The following SHCBP1 variants were observed in gnomAD, a reference collection of about 807,000 sequenced individuals.
SHCBP1 encodes SHC binding and spindle associated 1.
A neutral mutation model predicts 75.1 loss-of-function variants in SHCBP1; 60 were observed. The ratio of observed to expected loss-of-function variants is 0.80; its 90% CI spans 0.65 to 0.99. The LOEUF is 0.99. Ranked by LOEUF, SHCBP1 falls within the 50% of genes least tolerant of loss-of-function variation. The pLI is 0.00. For synonymous variants in SHCBP1, 290 were observed against 293.2 expected (o/e 0.99, Z 0.11); for missense variants, 709 against 809.4 (o/e 0.88, Z 1.50).
chr16:46,601,427 G>A (rs1211271553), intron 8 of SHCBP1, among the ~76,000 whole-genome samples: 1 of 152,120 alleles, frequency 6.6e-6, no homozygotes, highest in East Asian at 1.9e-4. Flanking sequence ...TAAAGAATTC[G>A]CTTGACTTCC....
rs1414013321 is a variant in SHCBP1 at position 46,581,580 on chromosome 16, C to T, written c.*149G>A. Reference sequence around the variant, plus strand: ...AAGAGGGAGTGTTTTATGTGCAACACCTGCAAATGGAAATAAATCTACCTT... The same window carrying T: ...AAGAGGGAGTGTTTTATGTGCAACATCTGCAAATGGAAATAAATCTACCTT... On this transcript the variant is annotated 3_prime_UTR_variant, in exon 13 of 13. Transcript: ENST00000303383. The T allele has an allele frequency of 2.9e-6, 2 of 691,280 alleles. No homozygotes were observed. The highest frequency in any genetic ancestry group is 4.8e-6 in the Non-Finnish European group (2 of 416,666). The allele number at this position is 691,280 out of a possible 1,614,324, so 42.8% of individuals were successfully genotyped here.
chr16:46,599,257 A>G (rs1965190898), intron 9 of SHCBP1, among the ~76,000 whole-genome samples: 1 of 152,158 alleles, frequency 6.6e-6, no homozygotes, highest in Non-Finnish European at 1.5e-5. Context: ...CTTCCTCACT[A>G]TGTTAAACAT....
At chr16:46,596,113 A>G (rs1179242549) in intron 9 of SHCBP1, among the ~76,000 whole-genome samples, 1 of 152,196 alleles carries the variant, frequency 6.6e-6, no homozygotes, top group Non-Finnish European at 1.5e-5. Context: ...AAATCACCAC[A>G]CAGAAAAGAA....
intron 9 of SHCBP1, among the ~76,000 whole-genome samples, chr16:46,599,151 C>T (rs1166911942): frequency 6.6e-6 from 1 of 152,200 alleles, no homozygotes; most frequent in African/African-American, 2.4e-5. Flanking sequence ...TAGAGTAGTG[C>T]TTTTAATTTC....
rs1241833968 is a variant in SHCBP1, at chr16:46,616,182, A to T, written c.388-28T>A. On this transcript the variant is annotated intron_variant, in intron 3 of 12. Transcript: ENST00000303383. This position sits in a 1 kb window ranked among gnomAD's most constrained non-coding sequence, Gnocchi z 4.4. ...GAAATTTAAAATAATGTGACTTAAC[A>T]CATGGAAATCAAAATGAAGATACAC... 1 of 1,601,028 alleles carries T rather than the reference A, an allele frequency of 6.2e-7. No homozygotes were observed. The highest frequency in any genetic ancestry group is 8.5e-7 in the Non-Finnish European group (1 of 1,171,544).
chr16:46,604,061 A>G lies in SHCBP1; in HGVS notation c.1006T>C (p.Ser336Pro). Residue 336 changes from serine to proline, a missense_variant, in exon 7 of 13, where the codon TCC becomes CCC. Ser to Pro is a moderately conservative substitution (Grantham distance 74, BLOSUM62 -1). Coordinates refer to ENST00000303383, the MANE Select transcript of SHCBP1 (RefSeq NM_024745.5). ...AGGAGACCAGCCATCATGGTGGAGG[A>G]GACCACATGAGTGATCTTCTGACCG... ...SSGQKITHVV[S>P]STMMAGLLRS... 1 of 1,614,218 alleles carries G rather than the reference A, an allele frequency of 6.2e-7. No individual in the cohort carries two copies. The highest frequency in any genetic ancestry group is 2.2e-5 in the East Asian group (1 of 44,882).
chr16:46,595,624 A>G lies in SHCBP1; in HGVS notation c.1392T>C (p.Cys464=). The change falls in exon 10 of 13, where the codon TGT becomes TGC. Residue 464 remains cysteine (C), a synonymous_variant. Transcript: ENST00000303383. ...KTTLENCVLQ[C]ETTGVTVRTS... ...TCCGCACTGTGACTCCGGTCGTCTC[A>G]CACTGCAGCACACAGTTTTCCAGCG... 1 of 1,614,168 alleles carries G rather than the reference A, an allele frequency of 6.2e-7. No homozygotes were observed. Among genetic ancestry groups the G allele is most frequent in the Non-Finnish European group, 8.5e-7 (1 of 1,180,022 alleles).
At chr16:46,591,060 C>T (rs1323394495) in intron 10 of SHCBP1, among the ~76,000 whole-genome samples, 3 of 152,116 alleles carry the variant, frequency 2.0e-5, no homozygotes, top group Non-Finnish European at 4.4e-5. Flanking sequence ...AGCAAACTAT[C>T]GCAAGGACAG....
rs561646335 is a variant in SHCBP1, at chr16:46,618,709, A to G, written c.104-337T>C. Among the ~76,000 whole-genome samples, 7 of 152,218 alleles carry G rather than the reference A, an allele frequency of 4.6e-5. No individual in the cohort carries two copies. In the South Asian group the frequency reaches 1.5e-3, roughly 32 times the overall value. On this transcript the variant is annotated intron_variant, in intron 1 of 12. Transcript: ENST00000303383. ...TAGGCTGGAGTGCAGTGGTGCGATCATAGCTCACCGCAACCTCAAACTCCT... is the reference window on the plus strand; with the variant it reads ...TAGGCTGGAGTGCAGTGGTGCGATCGTAGCTCACCGCAACCTCAAACTCCT...
chr16:46,595,484 C>T (rs1231371231), intron 10 of SHCBP1, 68 bp downstream of exon 10: 4 of 1,227,378 alleles, frequency 3.3e-6, no homozygotes, highest in Admixed American at 1.7e-5. Flanking sequence ...ACATCTTGGT[C>T]CCATATTTCA....
At chr16:46,605,448 T>C (rs1412740954) in intron 5 of SHCBP1, among the ~76,000 whole-genome samples, 2 of 152,122 alleles carry the variant, frequency 1.3e-5, no homozygotes, top group African/African-American at 4.8e-5. Flanking sequence ...ATGAGCCTGG[T>C]GTGATGGCAT....
intron 4 of SHCBP1, among the ~76,000 whole-genome samples, chr16:46,612,137 G>A (rs1329864940): frequency 6.6e-6 from 1 of 152,140 alleles, no homozygotes; most frequent in Non-Finnish European, 1.5e-5. Flanking sequence ...GCTGAACAGT[G>A]GTGTCCCAGA....
At chr16:46,618,719 G>GC (rs1318332499) in intron 1 of SHCBP1, among the ~76,000 whole-genome samples, 1 of 152,090 alleles carries the variant, frequency 6.6e-6, no homozygotes, top group African/African-American at 2.4e-5. Context: ...ATAGCTCACC[G>GC]CAACCTCAAA....
chr16:46,603,858 C>G, intron 7 of SHCBP1, 117 bp downstream of exon 7: 1 of 1,375,954 alleles, frequency 7.3e-7, no homozygotes, highest in South Asian at 1.4e-5. Flanking sequence ...CTCACTACTT[C>G]CCATGCACAG....
intron 10 of SHCBP1, among the ~76,000 whole-genome samples, chr16:46,588,366 T>C (rs1289239289): frequency 1.3e-5 from 2 of 151,734 alleles, no homozygotes; most frequent in Non-Finnish European, 2.9e-5. Flanking sequence ...CTTCAAAAAA[T>C]CAATGAATCC....
intron 10 of SHCBP1, among the ~76,000 whole-genome samples, chr16:46,588,169 A>G (rs922903537): frequency 5.9e-5 from 9 of 152,222 alleles, no homozygotes; most frequent in African/African-American, 2.2e-4. Flanking sequence ...CATTTAAAGC[A>G]GTGTGTAGAA....
At chr16:46,614,721 T>C (rs1965469101) in intron 4 of SHCBP1, among the ~76,000 whole-genome samples, 1 of 151,606 alleles carries the variant, frequency 6.6e-6, no homozygotes, top group South Asian at 2.1e-4. Flanking sequence ...ACACACACCA[T>C]AGTATATAAC....
At chr16:46,588,684 C>T (rs1040894421) in intron 10 of SHCBP1, among the ~76,000 whole-genome samples, 2 of 152,144 alleles carry the variant, frequency 1.3e-5, no homozygotes, top group African/African-American at 4.8e-5. Flanking sequence ...TATTTAATAG[C>T]CTACCAATCA....
Position 46,603,972 on chromosome 16 carries a change from T to C in SHCBP1, c.1092+3A>G. On this transcript the variant is annotated splice_donor_region_variant and intron_variant, in intron 7 of 12. Transcript: ENST00000303383. ...CACCTGGAGTGAGAAACTCTCCGTT[T>C]ACCTGAATTTCTCTTTCTTCCTCAC... 1 of 1,603,110 alleles carries C rather than the reference T, an allele frequency of 6.2e-7. No homozygotes were observed. The highest frequency in any genetic ancestry group is 8.5e-7 in the Non-Finnish European group (1 of 1,177,240).
Sources: allele counts gnomAD v4.1 joint callset (sites outside exome capture counted in the v4.1 genomes callset), GRCh38; gene constraint gnomAD v4.1.1; non-coding constraint Gnocchi (gnomAD v3.1); transcripts MANE v1.5; gene names NCBI Gene and HGNC (gene_info 2026-07-23, HGNC 2026-07-21).